Variants in SARNP observed in about 807,000 individuals in gnomAD.
SARNP encodes the protein SAP domain-containing ribonucleoprotein.
SARNP carries 5 observed loss-of-function variants against 38.1 expected under a neutral mutation model. The ratio of observed to expected loss-of-function variants is 0.13; its 90% CI spans 0.07 to 0.28. The LOEUF is 0.28. Among genes scored for constraint, SARNP ranks in the 10% least tolerant of loss-of-function variants. The pLI, the probability that SARNP is intolerant of heterozygous loss-of-function variation, is 1.00. For missense variants in SARNP, 180 were observed against 243.9 expected (o/e 0.74, Z 1.75); for synonymous variants, 84 against 80.6 (o/e 1.04, Z -0.23).
At chr12:55,775,015 T>C (rs886091524) in intron 9 of SARNP, among the ~76,000 whole-genome samples, 20 of 146,526 alleles carry the variant, frequency 1.4e-4, no homozygotes, top group African/African-American at 3.8e-4. Context: ...GCCTCCCAAA[T>C]AGCTGGGATT....
At chr12:55,794,904 A>AG (rs767503855) in intron 5 of SARNP, 24 bp from the exon 6 acceptor site, 8 of 1,355,622 alleles carry the variant, frequency 5.9e-6, no homozygotes, top group African/African-American at 2.9e-5. Flanking sequence ...GACAAAAGGG[A>AG]GAAAAAAAAG....
chr12:55,794,052 G>C (rs1592573786), intron 7 of SARNP: 1 of 354,214 alleles, frequency 2.8e-6, no homozygotes, highest in East Asian at 7.1e-5. Context: ...TAGATAGTAT[G>C]CAATAATTTT....
chr12:55,781,998 C>T (rs1879353934), intron 9 of SARNP, among the ~76,000 whole-genome samples: 1 of 152,122 alleles, frequency 6.6e-6, no homozygotes, highest in Non-Finnish European at 1.5e-5. Context: ...ACCTCTGTGC[C>T]CAGTCTAAAC....
At chr12:55,809,093 C>T (rs1880246470) in intron 1 of SARNP, among the ~76,000 whole-genome samples, 1 of 152,038 alleles carries the variant, frequency 6.6e-6, no homozygotes, top group Non-Finnish European at 1.5e-5. Context: ...GTAGTCCCAG[C>T]TACTTGAGGG....
intron 10 of SARNP, among the ~76,000 whole-genome samples, chr12:55,759,418 T>C (rs1211658270): frequency 6.6e-6 from 1 of 150,862 alleles, no homozygotes. Flanking sequence ...CTTTTTCTTT[T>C]CTTTTTTTTT....
chr12:55,810,451 A>ATTTT (rs199532602), intron 1 of SARNP, among the ~76,000 whole-genome samples: 2 of 136,044 alleles, frequency 1.5e-5, no homozygotes, highest in African/African-American at 2.7e-5. Flanking sequence ...CTGACCTTGA[A>ATTTT]TTTTTTTTTT....
intron 7 of SARNP, chr12:55,794,123 C>T: frequency 2.0e-6 from 1 of 505,370 alleles, no homozygotes; most frequent in East Asian, 3.7e-5. Context: ...TGAAGATGTT[C>T]AAGAAAAGAC....
chr12:55,776,949 CTCT>C (rs1184780694), intron 9 of SARNP, among the ~76,000 whole-genome samples: 1 of 152,174 alleles, frequency 6.6e-6, no homozygotes, highest in Non-Finnish European at 1.5e-5. Context: ...GAATCCAGCA[CTCT>C]TCTCCCTTTC....
chr12:55,795,340 G>A (rs1259274816), intron 5 of SARNP, among the ~76,000 whole-genome samples: 1 of 152,008 alleles, frequency 6.6e-6, no homozygotes, highest in Non-Finnish European at 1.5e-5. Context: ...AAGATATCAG[G>A]TTGTGTCCAT....
At chr12:55,786,899 C>G (rs1879512606) in intron 9 of SARNP, among the ~76,000 whole-genome samples, 1 of 152,090 alleles carries the variant, frequency 6.6e-6, no homozygotes, top group African/African-American at 2.4e-5. Context: ...TCATGCTAGG[C>G]ACATGGACCT....
At chr12:55,816,760 GTTC>G (rs745689866) in intron 1 of SARNP, among the ~76,000 whole-genome samples, 18 of 152,142 alleles carry the variant, frequency 1.2e-4, no homozygotes, top group East Asian at 1.9e-4. Flanking sequence ...TTTTTAAAAT[GTTC>G]TTCTTTTTAA....
chr12:55,792,758 A>C (rs1412038393), intron 7 of SARNP: 1 of 151,914 alleles, frequency 6.6e-6, no homozygotes, highest in Admixed American at 6.6e-5. Context: ...GATCACACTC[A>C]CTGCCAGCCT....
intron 1 of SARNP, among the ~76,000 whole-genome samples, chr12:55,805,834 G>A (rs548893049): frequency 8.6e-5 from 13 of 152,016 alleles, no homozygotes; most frequent in African/African-American, 3.1e-4. Flanking sequence ...GTGAAAGAGT[G>A]AGACTGTCTC....
chr12:55,795,385 A>C (rs1879791637), intron 5 of SARNP, among the ~76,000 whole-genome samples: 2 of 152,056 alleles, frequency 1.3e-5, no homozygotes, highest in African/African-American at 4.8e-5. Flanking sequence ...CAAAGCAAAC[A>C]AAAAAAGACT....
intron 9 of SARNP, among the ~76,000 whole-genome samples, chr12:55,786,246 A>G (rs947003679): frequency 6.6e-6 from 1 of 152,208 alleles, no homozygotes; most frequent in African/African-American, 2.4e-5. Context: ...CTATGTAGTA[A>G]GAGATATGGT....
chr12:55,790,235 T>C (rs1879625584), intron 8 of SARNP, among the ~76,000 whole-genome samples: 1 of 151,294 alleles, frequency 6.6e-6, no homozygotes, highest in Non-Finnish European at 1.5e-5. Context: ...TAGATTCTCT[T>C]GTGGTAATTA....
chr12:55,767,383 CAA>C (rs762337868), intron 9 of SARNP, among the ~76,000 whole-genome samples: 4 of 131,128 alleles, frequency 3.1e-5, no homozygotes, highest in African/African-American at 2.8e-5. Context: ...CCATCTCTAC[CAA>C]AAAAAAAAAA....
intron 9 of SARNP, among the ~76,000 whole-genome samples, chr12:55,773,782 C>T (rs999052308): frequency 3.9e-5 from 6 of 152,154 alleles, no homozygotes; most frequent in Non-Finnish European, 8.8e-5. Context: ...GCGATCTCTG[C>T]TCACTGCAAC....
intron 2 of SARNP, among the ~76,000 whole-genome samples, chr12:55,802,821 G>A (rs1016302703): frequency 6.6e-6 from 1 of 150,916 alleles, no homozygotes; most frequent in Non-Finnish European, 1.5e-5. Flanking sequence ...CTGTCACCGA[G>A]TGAATTAAGT....
Sources: allele counts gnomAD v4.1 joint callset (sites outside exome capture counted in the v4.1 genomes callset), GRCh38; gene constraint gnomAD v4.1.1; transcripts MANE v1.5; gene names NCBI Gene and HGNC (gene_info 2026-07-23, HGNC 2026-07-21).